TTLL11: variants seen among roughly 807,000 people sequenced by gnomAD.
TTLL11 encodes the protein tubulin tyrosine ligase like 11.
A neutral mutation model predicts 51.7 loss-of-function variants in TTLL11; 42 were observed. The observed-to-expected ratio is 0.81, with a 90% CI of 0.64 to 1.05. The LOEUF (loss-of-function observed/expected upper bound fraction) is 1.05, where lower values mean the gene tolerates loss of function less well. TTLL11 is among the 50% of genes least tolerant of loss of function. The pLI is 0.00. For synonymous variants in TTLL11, 381 were observed against 383.5 expected, an observed-to-expected ratio of 0.99 and a Z score of 0.08; for missense variants, 799 against 940.4, an observed-to-expected ratio of 0.85 and a Z score of 1.97.
At chr9:121,863,000 G>A (rs1838062540) in intron 7 of TTLL11, among the ~76,000 whole-genome samples, 1 of 152,126 alleles carries the variant, frequency 6.6e-6, no homozygotes, top group Admixed American at 6.5e-5. Flanking sequence ...GACGAGCCTG[G>A]TGCTCCTTGT....
At chr9:121,935,638 G>A (rs1166791744) in intron 6 of TTLL11, among the ~76,000 whole-genome samples, 1 of 152,244 alleles carries the variant, frequency 6.6e-6, no homozygotes, top group Admixed American at 6.5e-5. Context: ...GAAGTTAAGA[G>A]TGGATGAGGA....
At chr9:122,069,761 G>A (rs1042384420) in intron 1 of TTLL11, among the ~76,000 whole-genome samples, 1 of 152,080 alleles carries the variant, frequency 6.6e-6, no homozygotes, top group African/African-American at 2.4e-5. Flanking sequence ...TCTCCCAGGT[G>A]AGGGTAGGTG....
chr9:122,088,395 T>C (rs1339155554), intron 1 of TTLL11, among the ~76,000 whole-genome samples: 2 of 152,188 alleles, frequency 1.3e-5, no homozygotes, highest in Non-Finnish European at 2.9e-5. Flanking sequence ...TGTTCACATC[T>C]ACATCTGCGA....
intron 8 of TTLL11, among the ~76,000 whole-genome samples, chr9:121,832,770 T>C (rs946390129): frequency 6.6e-6 from 1 of 152,134 alleles, no homozygotes; most frequent in Non-Finnish European, 1.5e-5. Context: ...TGAAACCCTG[T>C]CTCTACTAAA....
intron 6 of TTLL11, among the ~76,000 whole-genome samples, chr9:121,958,550 C>T (rs769420878): frequency 1.3e-5 from 2 of 152,170 alleles, no homozygotes; most frequent in Non-Finnish European, 2.9e-5. Context: ...CAGTTTTTCT[C>T]TCCTCCAGCA....
intron 6 of TTLL11, among the ~76,000 whole-genome samples, chr9:121,894,959 T>C (rs1839395634): frequency 1.3e-5 from 2 of 151,228 alleles, no homozygotes; most frequent in Non-Finnish European, 2.9e-5. Context: ...AACGTTAAGA[T>C]GGGAGAATTC....
At chr9:122,030,011 G>A (rs931019471) in intron 3 of TTLL11, among the ~76,000 whole-genome samples, 2 of 152,102 alleles carry the variant, frequency 1.3e-5, no homozygotes, top group Non-Finnish European at 2.9e-5. Flanking sequence ...TGGATGTGTA[G>A]GAGCCTATAC....
rs1036168293 is a variant in TTLL11, at chr9:121,815,957, C to T, written c.*6630G>A. Reference sequence around the variant, plus strand: ...GGAGGTGGGCAGACGTATTTCCTGGCATCCGTCTTGTTTCCGCACGTCGAG... The same window carrying T: ...GGAGGTGGGCAGACGTATTTCCTGGTATCCGTCTTGTTTCCGCACGTCGAG... On this transcript the variant is annotated 3_prime_UTR_variant, in exon 9 of 9. Transcript: ENST00000321582. The T allele has an allele frequency of 3.9e-5, 6 of 152,206 alleles. No individual in the cohort carries two copies. Among genetic ancestry groups the T allele is most frequent in the African/African-American group, 1.4e-4 (6 of 41,448 alleles). 9.4% of individuals were successfully genotyped at this position (152,206 alleles called of 1,614,324 possible).
chr9:121,965,832 T>C (rs546520702), intron 6 of TTLL11, among the ~76,000 whole-genome samples: 3 of 152,236 alleles, frequency 2.0e-5, no homozygotes, highest in Non-Finnish European at 4.4e-5. Flanking sequence ...TTCTGATTAA[T>C]ATTTCTCTAA....
At chr9:122,057,577 T>C (rs1261447878) in intron 1 of TTLL11, among the ~76,000 whole-genome samples, 1 of 152,114 alleles carries the variant, frequency 6.6e-6, no homozygotes, top group Non-Finnish European at 1.5e-5. Flanking sequence ...TCCGCCTGCC[T>C]CAACCTCCCA....
At position 122,056,251 on chromosome 9, in the gene TTLL11, T is replaced by C. The variant is rs184010797; in HGVS notation, c.463-16883A>G. ...AAACCCAGCCTGAAATTCCCAGAGATGTGCCACTGCCACAAGAGACTCGAG... is the reference window on the plus strand; with the variant it reads ...AAACCCAGCCTGAAATTCCCAGAGACGTGCCACTGCCACAAGAGACTCGAG... On this transcript the variant is annotated intron_variant, in intron 1 of 8. Transcript: ENST00000321582. 8.3e-4 allele frequency among the ~76,000 whole-genome samples: 126 copies of C among 152,298 alleles called. 1 individual carries two copies. Among genetic ancestry groups the C allele is most frequent in the African/African-American group, 2.9e-3 (119 of 41,572 alleles).
intron 6 of TTLL11, among the ~76,000 whole-genome samples, chr9:121,961,010 A>G (rs1203959922): frequency 6.6e-6 from 1 of 152,210 alleles, no homozygotes. Flanking sequence ...AATTGCTTCA[A>G]AAGAAAAGGA....
chr9:121,933,791 T>G (rs1231576341), intron 6 of TTLL11, among the ~76,000 whole-genome samples: 1 of 152,260 alleles, frequency 6.6e-6, no homozygotes, highest in East Asian at 1.9e-4. Flanking sequence ...ACATTTGGTC[T>G]GCTGTGATAT....
chr9:122,013,118 C>T (rs1843863389), intron 3 of TTLL11, among the ~76,000 whole-genome samples: 1 of 152,102 alleles, frequency 6.6e-6, no homozygotes, highest in Non-Finnish European at 1.5e-5. Context: ...ACCTCTGATG[C>T]TACAGATGAG....
At chr9:122,013,878 A>C (rs962760682) in intron 3 of TTLL11, among the ~76,000 whole-genome samples, 1 of 152,164 alleles carries the variant, frequency 6.6e-6, no homozygotes, top group African/African-American at 2.4e-5. Flanking sequence ...CAGAATTTTA[A>C]CTCCAATGAA....
At chr9:122,031,623 C>T (rs1423088117) in intron 3 of TTLL11, 100 bp downstream of exon 3, 7 of 1,447,172 alleles carry the variant, frequency 4.8e-6, no homozygotes, top group East Asian at 2.3e-5. Context: ...TTAGTCGCAG[C>T]TCCCTGGGAC....
chr9:122,082,125 A>G (rs1846016412), intron 1 of TTLL11, among the ~76,000 whole-genome samples: 1 of 152,250 alleles, frequency 6.6e-6, no homozygotes, highest in African/African-American at 2.4e-5. Context: ...GATAGTAACA[A>G]TCAAAATATA....
Position 121,952,647 on chromosome 9 carries a change from C to T in TTLL11, c.1481+21362G>A, listed in dbSNP as rs10985465. Among the ~76,000 whole-genome samples the T allele has an allele frequency of 5.3e-5, 8 of 152,222 alleles. No homozygotes were observed. In the East Asian group the frequency reaches 1.4e-3, roughly 26 times the overall value. ...CCTGCCCCCCACACACTCTGTTCCCCTGGGGAAATAAAATGCCTTGTTTGA... is the reference window on the plus strand; with the variant it reads ...CCTGCCCCCCACACACTCTGTTCCCTTGGGGAAATAAAATGCCTTGTTTGA... On this transcript the variant is annotated intron_variant, in intron 6 of 8. Coordinates refer to ENST00000321582, the MANE Select transcript of TTLL11 (RefSeq NM_001139442.2).
At chr9:122,004,386 A>C (rs914490702) in intron 3 of TTLL11, among the ~76,000 whole-genome samples, 2 of 150,410 alleles carry the variant, frequency 1.3e-5, no homozygotes, top group African/African-American at 4.9e-5. Context: ...TTTCACTCTT[A>C]TTGCCCAGGC....
Sources: allele counts gnomAD v4.1 joint callset (sites outside exome capture counted in the v4.1 genomes callset), GRCh38; gene constraint gnomAD v4.1.1; transcripts MANE v1.5; gene names NCBI Gene and HGNC (gene_info 2026-07-23, HGNC 2026-07-21).